MAP3K5: variants seen among roughly 807,000 people sequenced by gnomAD.
MAP3K5 encodes mitogen-activated protein kinase kinase kinase 5.
In MAP3K5, 56 loss-of-function variants were observed where a neutral mutation model predicts 158.7. That is an observed-to-expected ratio of 0.35 (90% CI 0.28 to 0.44). The LOEUF (loss-of-function observed/expected upper bound fraction) is 0.44, where lower values mean the gene tolerates loss of function less well. Ranked by LOEUF, MAP3K5 falls within the 20% of genes least tolerant of loss-of-function variation. The pLI, the probability that MAP3K5 is intolerant of heterozygous loss-of-function variation, is 1.00. For missense variants in MAP3K5, 1,294 were observed against 1,674.8 expected (o/e 0.77, Z 3.97); for synonymous variants, 579 against 601.7 (o/e 0.96, Z 0.55).
chr6:136,778,983 T>C (rs915564764), intron 1 of MAP3K5, among the ~76,000 whole-genome samples: 5 of 152,118 alleles, frequency 3.3e-5, no homozygotes, highest in Admixed American at 3.3e-4. Flanking sequence ...CTAGGTAACA[T>C]GGTGAGACCT....
At chr6:136,570,082 C>G (rs1774296682) in intron 25 of MAP3K5, among the ~76,000 whole-genome samples, 1 of 152,132 alleles carries the variant, frequency 6.6e-6, no homozygotes, top group Admixed American at 6.5e-5. Flanking sequence ...TGCACAGATT[C>G]CCTGAAGCCT....
At chr6:136,773,153 A>G (rs6916838) in intron 1 of MAP3K5, among the ~76,000 whole-genome samples, 151,666 of 152,320 alleles carry the variant, frequency 1, 75,510 homozygotes, top group East Asian at 1. Flanking sequence ...TGCCTTCCAC[A>G]TTCCCATGGA....
rs148793960 is a variant in MAP3K5, at chr6:136,749,230, G to A, written c.449-28641C>T. Among the ~76,000 whole-genome samples the A allele has an allele frequency of 6.8e-3, 1,038 of 152,100 alleles. 10 individuals carry two copies. The highest frequency in any genetic ancestry group is 0.023 in the African/African-American group (952 of 41,474). ...TCTACTAAAAATACACAAATTAGCCGGGTATGGTGGCACGCGCCTCTAATC... is the reference window on the plus strand; with the variant it reads ...TCTACTAAAAATACACAAATTAGCCAGGTATGGTGGCACGCGCCTCTAATC... On this transcript the variant is annotated intron_variant, in intron 1 of 29. Transcript: ENST00000359015.
chr6:136,567,911 T>C (rs1774190705), intron 25 of MAP3K5, 37 bp from the exon 26 acceptor site: 1 of 1,596,532 alleles, frequency 6.3e-7, no homozygotes, highest in Non-Finnish European at 8.5e-7. Context: ...GTTTATAAAA[T>C]ATGACTCATT....
chr6:136,694,165 C>T lies in MAP3K5; in HGVS notation c.1228G>A (p.Glu410Lys), dbSNP rs758593083. 6.2e-7 allele frequency: 1 copy of T among 1,613,438 alleles called. No homozygotes were observed. The highest frequency in any genetic ancestry group is 1.1e-5 in the South Asian group (1 of 90,940). The change falls in exon 7 of 30, where the codon GAA becomes AAA. Residue 410 changes from glutamate (E) to lysine (K), a missense_variant. Coordinates refer to ENST00000359015, the MANE Select transcript of MAP3K5 (RefSeq NM_005923.4). ...MFLDSNFTDT[E>K]SRDHGASWFK... ...CAAGAAGCTCCATGGTCTCTGCTTT[C>T]AGTGTCCGTGAAATTAGAGTCCAAA...
chr6:136,694,077 C>T, intron 7 of MAP3K5, 63 bp downstream of exon 7: 1 of 1,330,440 alleles, frequency 7.5e-7, no homozygotes, highest in Non-Finnish European at 1.0e-6. Context: ...CTCTCATTTG[C>T]AAATACTTTT....
intron 15 of MAP3K5, among the ~76,000 whole-genome samples, chr6:136,617,950 A>C (rs1450590996): frequency 1.3e-5 from 2 of 152,140 alleles, no homozygotes; most frequent in Non-Finnish European, 2.9e-5. Flanking sequence ...AAATAAAATA[A>C]AAATAACCAG....
chr6:136,597,725 A>C (rs749638849), intron 21 of MAP3K5, among the ~76,000 whole-genome samples: 1 of 152,240 alleles, frequency 6.6e-6, no homozygotes, highest in Non-Finnish European at 1.5e-5. Flanking sequence ...TTGTGCCTAC[A>C]TTCTAGTGCC....
At chr6:136,701,050 G>C (rs1400298162) in intron 3 of MAP3K5, among the ~76,000 whole-genome samples, 1 of 152,190 alleles carries the variant, frequency 6.6e-6, no homozygotes, top group Non-Finnish European at 1.5e-5. Flanking sequence ...CTACAAAGAA[G>C]CTGCTGTGGC....
chr6:136,693,982 C>T (rs1365773231), intron 7 of MAP3K5, among the ~76,000 whole-genome samples, 158 bp downstream of exon 7: 1 of 152,004 alleles, frequency 6.6e-6, no homozygotes, highest in Non-Finnish European at 1.5e-5. Flanking sequence ...AACAAGACTC[C>T]ATCTCAAAAA....
intron 21 of MAP3K5, among the ~76,000 whole-genome samples, chr6:136,597,051 C>A (rs1583244574): frequency 6.6e-6 from 1 of 152,128 alleles, no homozygotes; most frequent in South Asian, 2.1e-4. Flanking sequence ...TTAAGAAGCC[C>A]TCCTCTATGG....
At chr6:136,578,160 C>T (rs1295070625) in intron 25 of MAP3K5, among the ~76,000 whole-genome samples, 3 of 152,152 alleles carry the variant, frequency 2.0e-5, no homozygotes, top group African/African-American at 7.2e-5. Flanking sequence ...TTCCCTACAA[C>T]CAGCCTTATC....
In MAP3K5 at chr6:136,684,544, C is replaced by G. The variant is rs143177179; in HGVS notation, c.1253+9596G>C. ...GCATGGTGATTTGTCCCTAACACTT[C>G]CTTGGATCATCTCCAGGGGTTAAGT... On this transcript the variant is annotated intron_variant, in intron 7 of 29. Transcript: ENST00000359015. Among the ~76,000 whole-genome samples the G allele has an allele frequency of 4.7e-4, 72 of 152,226 alleles. 1 individual carries two copies. Among genetic ancestry groups the G allele is most frequent in the Admixed American group, 9.8e-4 (15 of 15,286 alleles).
At chr6:136,676,788 CTTTTCTTTTTT>C (rs1440105433) in intron 7 of MAP3K5, among the ~76,000 whole-genome samples, 3 of 141,522 alleles carry the variant, frequency 2.1e-5, no homozygotes, top group African/African-American at 8.3e-5. Flanking sequence ...TTTTTCTTTT[CTTTTCTTTTTT>C]TTTTTTTTTT....
intron 1 of MAP3K5, among the ~76,000 whole-genome samples, chr6:136,777,824 T>C (rs1035984415): frequency 6.6e-6 from 1 of 151,864 alleles, no homozygotes; most frequent in African/African-American, 2.4e-5. Context: ...CTTCGAATGC[T>C]TGGCATTCAG....
At chr6:136,652,136 A>G (rs965897690) in intron 10 of MAP3K5, among the ~76,000 whole-genome samples, 2 of 152,208 alleles carry the variant, frequency 1.3e-5, no homozygotes, top group African/African-American at 4.8e-5. Flanking sequence ...AAGGAATTAC[A>G]GATTCATAAT....
At chr6:136,607,223 T>G (rs1015062518) in intron 18 of MAP3K5, among the ~76,000 whole-genome samples, 2 of 152,214 alleles carry the variant, frequency 1.3e-5, no homozygotes, top group Non-Finnish European at 2.9e-5. Context: ...GGGCCTAGAA[T>G]AGAATTAATG....
chr6:136,702,199 C>T (rs1007678990), intron 3 of MAP3K5, among the ~76,000 whole-genome samples: 4 of 151,540 alleles, frequency 2.6e-5, no homozygotes, highest in Admixed American at 6.6e-5. Flanking sequence ...TTCAATTTCC[C>T]ATTGCCAATG....
chr6:136,755,281 T>C (rs1480016897), intron 1 of MAP3K5, among the ~76,000 whole-genome samples: 1 of 152,126 alleles, frequency 6.6e-6, no homozygotes, highest in Non-Finnish European at 1.5e-5. Context: ...TAGATCCTCA[T>C]GCACAACTCA....
Sources: allele counts gnomAD v4.1 joint callset (sites outside exome capture counted in the v4.1 genomes callset), GRCh38; gene constraint gnomAD v4.1.1; transcripts MANE v1.5; gene names NCBI Gene and HGNC (gene_info 2026-07-23, HGNC 2026-07-21).